The following MACROD2 variants were observed in gnomAD, a reference collection of about 807,000 sequenced individuals.
The protein encoded by MACROD2 is ADP-ribose glycohydrolase MACROD2.
MACROD2 carries 36 observed loss-of-function variants against 70.4 expected under a neutral mutation model. That is an observed-to-expected ratio of 0.51 (90% CI 0.39 to 0.68). The LOEUF (loss-of-function observed/expected upper bound fraction) is 0.68, where lower values mean the gene tolerates loss of function less well. Ranked by LOEUF, MACROD2 falls within the 30% of genes least tolerant of loss-of-function variation. MACROD2 has a pLI of 0.00. For missense variants in MACROD2, 496 were observed against 538.4 expected, an observed-to-expected ratio of 0.92 and a Z score of 0.78; for synonymous variants, 172 against 178.8, an observed-to-expected ratio of 0.96 and a Z score of 0.30.
chr20:15,028,377 G>T (rs1449290875), intron 5 of MACROD2, among the ~76,000 whole-genome samples: 1 of 152,140 alleles, frequency 6.6e-6, no homozygotes. Context: ...GAACAATGCT[G>T]GGATTAGACA....
At chr20:15,768,124 TTG>T (rs915927608) in intron 8 of MACROD2, among the ~76,000 whole-genome samples, 1 of 149,712 alleles carries the variant, frequency 6.7e-6, no homozygotes, top group South Asian at 2.1e-4. Context: ...GTGTGTGTGT[TTG>T]TGTGTATGTG....
chr20:15,505,312 A>G (rs1458608237), intron 8 of MACROD2, among the ~76,000 whole-genome samples: 1 of 152,176 alleles, frequency 6.6e-6, no homozygotes, highest in Non-Finnish European at 1.5e-5. Flanking sequence ...TTCTAAGATG[A>G]CGATTCTGAG....
At chr20:15,379,089 G>T (rs1471329214) in intron 6 of MACROD2, among the ~76,000 whole-genome samples, 1 of 152,094 alleles carries the variant, frequency 6.6e-6, no homozygotes, top group East Asian at 1.9e-4. Context: ...ATATATAAAT[G>T]TATTACAAAT....
At chr20:14,260,799 A>G (rs2082095486) in intron 3 of MACROD2, among the ~76,000 whole-genome samples, 2 of 152,262 alleles carry the variant, frequency 1.3e-5, no homozygotes, top group Non-Finnish European at 2.9e-5. Context: ...TAAATGATAT[A>G]TGTAAAGTTC....
At chr20:15,247,562 T>C (rs902737915) in intron 6 of MACROD2, among the ~76,000 whole-genome samples, 6 of 152,178 alleles carry the variant, frequency 3.9e-5, no homozygotes, top group African/African-American at 1.4e-4. Context: ...CTGCTTTACA[T>C]GTTAATAGTG....
intron 8 of MACROD2, among the ~76,000 whole-genome samples, chr20:15,771,093 A>G (rs2051617014): frequency 6.6e-6 from 1 of 152,156 alleles, no homozygotes; most frequent in African/African-American, 2.4e-5. Context: ...ACTGACAGGA[A>G]TGAAGCAAAC....
chr20:15,801,051 C>T (rs62194743), intron 8 of MACROD2, among the ~76,000 whole-genome samples: 18,444 of 149,758 alleles, frequency 0.12, 1,408 homozygotes, highest in Middle Eastern at 0.28. Context: ...ACAAACACTG[C>T]GGAAGTCCGC....
chr20:14,274,016 C>A (rs1352971323), intron 3 of MACROD2, among the ~76,000 whole-genome samples: 3 of 151,922 alleles, frequency 2.0e-5, no homozygotes, highest in African/African-American at 7.3e-5. Flanking sequence ...GCTTACCAAC[C>A]AAAAAGAGTC....
At chr20:15,609,527 G>A (rs962102770) in intron 8 of MACROD2, among the ~76,000 whole-genome samples, 10 of 152,170 alleles carry the variant, frequency 6.6e-5, no homozygotes, top group African/African-American at 2.4e-4. Flanking sequence ...GAGTTAATTT[G>A]GAATACAGAG....
At chr20:14,696,150 A>G (rs1384840643) in intron 5 of MACROD2, among the ~76,000 whole-genome samples, 1 of 152,154 alleles carries the variant, frequency 6.6e-6, no homozygotes, top group African/African-American at 2.4e-5. Context: ...TGGAAAAACT[A>G]TTATGAACGA....
chr20:14,270,722 C>G (rs1304439102), intron 3 of MACROD2, among the ~76,000 whole-genome samples: 1 of 152,114 alleles, frequency 6.6e-6, no homozygotes, highest in Non-Finnish European at 1.5e-5. Flanking sequence ...GGTGAGAGAG[C>G]CAAGATGGCC....
chr20:16,023,062 C>A (rs1395504436), intron 15 of MACROD2, among the ~76,000 whole-genome samples: 2 of 152,098 alleles, frequency 1.3e-5, no homozygotes, highest in African/African-American at 4.8e-5. Flanking sequence ...AAGGTACCTT[C>A]CACTGTAAGA....
intron 10 of MACROD2, among the ~76,000 whole-genome samples, chr20:15,902,845 C>T (rs1453712429): frequency 6.6e-6 from 1 of 151,892 alleles, no homozygotes; most frequent in East Asian, 1.9e-4. Context: ...TCATGGGAGA[C>T]GTCATGCCAA....
intron 5 of MACROD2, among the ~76,000 whole-genome samples, chr20:15,000,660 AAG>A (rs2074987941): frequency 6.6e-6 from 1 of 150,740 alleles, no homozygotes; most frequent in Non-Finnish European, 1.5e-5. Flanking sequence ...AAAAAAAAAA[AAG>A]AGGTAGAAAC....
chr20:15,597,628 G>A (rs1034296923), intron 8 of MACROD2, among the ~76,000 whole-genome samples: 2 of 152,164 alleles, frequency 1.3e-5, no homozygotes, highest in African/African-American at 2.4e-5. Context: ...ATGGGGTTGA[G>A]GCCTTTGAAG....
At chr20:14,333,976 G>A (rs1015280393) in intron 3 of MACROD2, among the ~76,000 whole-genome samples, 2 of 152,150 alleles carry the variant, frequency 1.3e-5, no homozygotes, top group Non-Finnish European at 2.9e-5. Context: ...AACAAAAGCT[G>A]TCATTGTCTC....
chr20:14,963,651 A>G (rs1157626158), intron 5 of MACROD2, among the ~76,000 whole-genome samples: 2 of 152,116 alleles, frequency 1.3e-5, no homozygotes, highest in East Asian at 3.9e-4. Context: ...CAATACTGAA[A>G]ATGCCATGAC....
At chr20:14,296,734 G>A (rs1457037231) in intron 3 of MACROD2, among the ~76,000 whole-genome samples, 1 of 152,124 alleles carries the variant, frequency 6.6e-6, no homozygotes. Context: ...CTGCACTTCC[G>A]GGAGTGCTTG....
chr20:15,663,554 G>GAATA (rs2049853179), intron 8 of MACROD2, among the ~76,000 whole-genome samples: 1 of 151,438 alleles, frequency 6.6e-6, no homozygotes, highest in Non-Finnish European at 1.5e-5. Flanking sequence ...AATTTTTTAT[G>GAATA]TGAAAATATT....
Sources: gnomAD v4.1 joint callset for allele counts (sites outside exome capture counted in the v4.1 genomes callset) on GRCh38, gnomAD v4.1.1 for gene constraint, MANE v1.5 for transcripts, NCBI Gene and HGNC (gene_info 2026-07-23, HGNC 2026-07-21) for gene names.